The following ANKLE2 variants were observed in gnomAD, a reference collection of about 807,000 sequenced individuals.
The protein encoded by ANKLE2 is ankyrin repeat and LEM domain-containing protein 2.
Under a neutral mutation model 84.2 loss-of-function variants are expected in ANKLE2, and 55 were observed. That is an observed-to-expected ratio of 0.65 (90% CI 0.53 to 0.82). The LOEUF (loss-of-function observed/expected upper bound fraction) is 0.82, where lower values mean the gene tolerates loss of function less well. Ranked by LOEUF, ANKLE2 falls within the 40% of genes least tolerant of loss-of-function variation. The probability of loss-of-function intolerance (pLI) is 0.00; values close to 1 mark genes in which losing one functional copy is unlikely to be tolerated. For missense variants in ANKLE2, 1,238 were observed against 1,201.9 expected (o/e 1.03, Z -0.44); for synonymous variants, 551 against 486.1 (o/e 1.13, Z -1.76).
chr12:132,747,791 C>A (rs745968950), intron 5 of ANKLE2, 41 bp downstream of exon 5: 1 of 1,567,734 alleles, frequency 6.4e-7, no homozygotes, highest in Non-Finnish European at 8.6e-7. Context: ...GACTTTTAAC[C>A]AATTAAATAA....
rs2043696738 is a variant in ANKLE2 at position 132,726,268 on chromosome 12, G to A, written c.*974C>T. ...ATTCCAACCACAGACCTTCATTCAA[G>A]TCAAGGTGAAGGCTACAGTCAGCAC... On this transcript the variant is annotated 3_prime_UTR_variant, in exon 13 of 13. Coordinates refer to ENST00000357997, the MANE Select transcript of ANKLE2 (RefSeq NM_015114.3). 6.5e-6 allele frequency: 1 copy of A among 153,434 alleles called. No homozygotes were observed. Among genetic ancestry groups the A allele is most frequent in the Non-Finnish European group, 1.5e-5 (1 of 68,286 alleles). 9.5% of individuals were successfully genotyped at this position (153,434 alleles called of 1,614,324 possible).
intron 1 of ANKLE2, chr12:132,760,676 G>A (rs2044607156): frequency 1.3e-5 from 2 of 152,310 alleles, no homozygotes; most frequent in South Asian, 4.1e-4. Context: ...GAAGCGCTTG[G>A]AAATTCAGGG....
At chr12:132,736,479 G>T (rs578114488) in intron 8 of ANKLE2, among the ~76,000 whole-genome samples, 1 of 152,224 alleles carries the variant, frequency 6.6e-6, no homozygotes, top group East Asian at 1.9e-4. Flanking sequence ...GGAAGCCAGC[G>T]GGGGCTGCAG....
chr12:132,747,203 C>T (rs1645237612), intron 5 of ANKLE2, among the ~76,000 whole-genome samples: 1 of 152,182 alleles, frequency 6.6e-6, no homozygotes, highest in African/African-American at 2.4e-5. Flanking sequence ...GCAGTCGCAC[C>T]CCAGCAGCCT....
chr12:132,735,370 T>C (rs766212365), intron 9 of ANKLE2, 36 bp downstream of exon 9: 2 of 1,573,234 alleles, frequency 1.3e-6, no homozygotes, highest in South Asian at 1.1e-5. Context: ...CAACCAACTG[T>C]GTGCCCCACG....
chr12:132,739,795 G>C (rs1468254371), intron 7 of ANKLE2, among the ~76,000 whole-genome samples: 1 of 152,224 alleles, frequency 6.6e-6, no homozygotes, highest in East Asian at 1.9e-4. Flanking sequence ...CAACGTGACC[G>C]AGGCCCCAGC....
intron 10 of ANKLE2, among the ~76,000 whole-genome samples, chr12:132,732,824 A>C (rs1344610149): frequency 3.6e-5 from 2 of 56,062 alleles, no homozygotes; most frequent in East Asian, 6.4e-4. Flanking sequence ...GACGTGCACC[A>C]TGTGAAGCCC....
In ANKLE2 at chr12:132,737,183, G is replaced by C. The variant is rs373677775; in HGVS notation, c.1421-118C>G. ...AAGGCCTCTGCAAATGGATCCAACA[G>C]ACGGGGCAGAGGGTGGTTTCCGCCA... On this transcript the variant is annotated intron_variant, in intron 7 of 12. Coordinates refer to ENST00000357997, the MANE Select transcript of ANKLE2 (RefSeq NM_015114.3). The C allele has an allele frequency of 1.1e-4, 127 of 1,118,468 alleles. No individual in the cohort carries two copies. The East Asian group carries it at 2.7e-3, about 23-fold the overall frequency. 69.3% of individuals were successfully genotyped at this position (1,118,468 alleles called of 1,614,324 possible).
At chr12:132,752,719 T>A (rs1419980082) in intron 2 of ANKLE2, among the ~76,000 whole-genome samples, 1 of 152,162 alleles carries the variant, frequency 6.6e-6, no homozygotes, top group Admixed American at 6.5e-5. Context: ...ATTCTATTCA[T>A]AGTGTTTAAC....
intron 12 of ANKLE2, 76 bp downstream of exon 12, chr12:132,727,956 C>A (rs1279745399): frequency 1.3e-6 from 2 of 1,533,108 alleles, no homozygotes; most frequent in Non-Finnish European, 1.7e-6. Flanking sequence ...GATAGGTTCG[C>A]ATGAAGTGGA....
chr12:132,732,991 C>A (rs1463769071), intron 10 of ANKLE2, among the ~76,000 whole-genome samples: 2 of 137,528 alleles, frequency 1.5e-5, no homozygotes, highest in Admixed American at 7.2e-5. Flanking sequence ...AAGCGCTCTG[C>A]GTCCTGGTGT....
intron 1 of ANKLE2, 77 bp from the exon 2 acceptor site, chr12:132,755,210 C>A: frequency 7.8e-7 from 1 of 1,289,356 alleles, no homozygotes; most frequent in Non-Finnish European, 1.1e-6. Flanking sequence ...TACTAGGGTT[C>A]ATTATATAAT....
At chr12:132,745,544 C>T (rs979182031) in intron 5 of ANKLE2, 1 of 153,222 alleles carries the variant, frequency 6.5e-6, no homozygotes, top group African/African-American at 2.4e-5. Flanking sequence ...AGACCTCAAC[C>T]AAGACAGAGA....
At chr12:132,757,620 A>C (rs377734726) in intron 1 of ANKLE2, 1 of 152,162 alleles carries the variant, frequency 6.6e-6, no homozygotes, top group South Asian at 2.1e-4. Context: ...CAGGAGATTG[A>C]GACTATCCTG....
chr12:132,752,036 A>G (rs1053827237), intron 2 of ANKLE2, among the ~76,000 whole-genome samples: 2 of 152,150 alleles, frequency 1.3e-5, no homozygotes, highest in African/African-American at 4.8e-5. Flanking sequence ...GTTACTGTCC[A>G]CTACTGGATA....
intron 1 of ANKLE2, chr12:132,761,284 C>A (rs1041252333): frequency 4.6e-6 from 1 of 217,358 alleles, no homozygotes; most frequent in Non-Finnish European, 9.0e-6. Context: ...CTCCTTTGGG[C>A]CATCCCTCCC....
chr12:132,738,916 A>G (rs1593154724), intron 7 of ANKLE2: 1 of 152,222 alleles, frequency 6.6e-6, no homozygotes, highest in East Asian at 1.9e-4. Context: ...AATGTGGTAC[A>G]TATATACCAC....
At chr12:132,741,334 A>G in intron 7 of ANKLE2, 85 bp downstream of exon 7, 1 of 1,391,444 alleles carries the variant, frequency 7.2e-7, no homozygotes, top group East Asian at 2.3e-5. Flanking sequence ...GAGCTCAGGA[A>G]AGCAAAGCTC....
rs1243790352 is a variant in ANKLE2 at position 132,741,402 on chromosome 12, C to G, written c.1420+17G>C. The G allele has an allele frequency of 1.2e-6, 2 of 1,613,742 alleles. No individual in the cohort carries two copies. The highest frequency in any genetic ancestry group is 1.6e-4 in the Middle Eastern group (1 of 6,062). ...CGGCGTGGACCCCACGATCCAGGCA[C>G]CAACTCCCCATCTTACCCTTTAAAT... On this transcript the variant is annotated intron_variant, in intron 7 of 12. Coordinates refer to ENST00000357997, the MANE Select transcript of ANKLE2 (RefSeq NM_015114.3).
Sources: allele counts gnomAD v4.1 joint callset (sites outside exome capture counted in the v4.1 genomes callset), GRCh38; gene constraint gnomAD v4.1.1; transcripts MANE v1.5; gene names NCBI Gene and HGNC (gene_info 2026-07-23, HGNC 2026-07-21).